Variants in NTM observed in about 807,000 individuals in gnomAD.
NTM encodes the protein neurotrimin, also known as IgLON family member 2.
In NTM, 13 loss-of-function variants were observed where a neutral mutation model predicts 42.1. That is an observed-to-expected ratio of 0.31 (90% CI 0.20 to 0.49). NTM has a LOEUF of 0.49. NTM is among the 20% of genes least tolerant of loss of function. NTM has a pLI of 0.99. For synonymous variants in NTM, 187 were observed against 179.2 expected (o/e 1.04, Z -0.35); for missense variants, 373 against 452.8 (o/e 0.82, Z 1.60).
intron 2 of NTM, among the ~76,000 whole-genome samples, chr11:132,037,086 G>GTTTGA (rs1438704964): frequency 2.0e-5 from 3 of 152,158 alleles, no homozygotes; most frequent in Non-Finnish European, 4.4e-5. Flanking sequence ...CTCTGCTGAA[G>GTTTGA]TTTGATCCCT....
chr11:131,588,466 T>C (rs996525507), intron 1 of NTM, among the ~76,000 whole-genome samples: 2 of 152,250 alleles, frequency 1.3e-5, no homozygotes, highest in East Asian at 3.8e-4. Flanking sequence ...TAGTGTGCCA[T>C]GGTTATGAAG....
intron 1 of NTM, among the ~76,000 whole-genome samples, chr11:131,468,317 CT>C (rs1160596931): frequency 6.6e-6 from 1 of 152,248 alleles, no homozygotes; most frequent in African/African-American, 2.4e-5. Flanking sequence ...TGCAGCCTCA[CT>C]TGCAGATAAT....
chr11:131,439,547 T>C (rs1949434295), intron 1 of NTM, among the ~76,000 whole-genome samples: 1 of 152,222 alleles, frequency 6.6e-6, no homozygotes, highest in South Asian at 2.1e-4. Flanking sequence ...GGCTGCTGCC[T>C]TGCAGGTTGA....
chr11:131,930,784 G>A (rs1400420881), intron 2 of NTM, among the ~76,000 whole-genome samples: 10 of 152,126 alleles, frequency 6.6e-5, no homozygotes, highest in Non-Finnish European at 1.5e-4. Flanking sequence ...CAAATAGAAA[G>A]AAATTTTATG....
chr11:132,151,734 G>A (rs2071950732), intron 3 of NTM, among the ~76,000 whole-genome samples: 2 of 152,112 alleles, frequency 1.3e-5, no homozygotes. Context: ...AAACAGCTCC[G>A]AAGCTCAGGT....
At chr11:132,154,306 C>G (rs1231828971) in intron 3 of NTM, among the ~76,000 whole-genome samples, 1 of 152,128 alleles carries the variant, frequency 6.6e-6, no homozygotes, top group Non-Finnish European at 1.5e-5. Flanking sequence ...AAGAACATGA[C>G]AAACACCTAA....
chr11:131,806,923 G>A (rs1311259952), intron 1 of NTM, among the ~76,000 whole-genome samples: 2 of 152,160 alleles, frequency 1.3e-5, no homozygotes, highest in Non-Finnish European at 2.9e-5. Flanking sequence ...ATAGTTATTA[G>A]GGTATAAATA....
chr11:131,899,550 T>C (rs1433469574), intron 1 of NTM, among the ~76,000 whole-genome samples: 1 of 152,146 alleles, frequency 6.6e-6, no homozygotes, highest in Non-Finnish European at 1.5e-5. Flanking sequence ...TCACATAAAT[T>C]CAGATGTCCG....
At chr11:132,050,449 C>A (rs960749859) in intron 2 of NTM, among the ~76,000 whole-genome samples, 2 of 152,244 alleles carry the variant, frequency 1.3e-5, no homozygotes, top group South Asian at 2.1e-4. Flanking sequence ...AGGGGCTGGG[C>A]AAATGATTTT....
intron 1 of NTM, among the ~76,000 whole-genome samples, chr11:131,529,299 G>T (rs1358288899): frequency 6.6e-6 from 1 of 152,212 alleles, no homozygotes; most frequent in South Asian, 2.1e-4. Context: ...GTAAAAGATA[G>T]ACTCTTAGAT....
intron 2 of NTM, among the ~76,000 whole-genome samples, chr11:132,076,864 G>C (rs533875601): frequency 2.0e-5 from 3 of 151,824 alleles, no homozygotes; most frequent in Non-Finnish European, 4.4e-5. Context: ...ATCAATATTG[G>C]TCTTGTCATC....
chr11:131,440,816 T>TA lies in NTM; in HGVS notation c.82+69976dup, dbSNP rs55915027. Among the ~76,000 whole-genome samples the TA allele has an allele frequency of 3.3e-4, 14 of 42,922 alleles. 1 individual carries two copies. The highest frequency in any genetic ancestry group is 4.2e-4 in the Non-Finnish European group (11 of 26,372). The allele number at this position is 42,922 out of a possible 152,430, so 28.2% of individuals were successfully genotyped here. On this transcript the variant is annotated intron_variant, in intron 1 of 8. Coordinates refer to ENST00000683400, the MANE Select transcript of NTM (RefSeq NM_001352005.2). Reference sequence around the variant, plus strand: ...GTGCCACCCCTCACCACAGCCTCCATAAAAAAAAAAAAAAAAAAAAAAAAA... The same window carrying TA: ...GTGCCACCCCTCACCACAGCCTCCATAAAAAAAAAAAAAAAAAAAAAAAAAA...
chr11:131,674,732 CT>C lies in NTM; in HGVS notation c.83-236831del, dbSNP rs1182459875. ...TTATTTGCAAGCCTGATTTCCCTGT[CT>C]GGTTACCTGTAATGCTGCTTCTCTG... On this transcript the variant is annotated intron_variant, in intron 1 of 8. Transcript: ENST00000683400. 1.4e-4 allele frequency among the ~76,000 whole-genome samples: 22 copies of C among 152,310 alleles called. 1 individual carries two copies. Among genetic ancestry groups the C allele is most frequent in the Admixed American group, 1.2e-3 (18 of 15,300 alleles).
intron 1 of NTM, among the ~76,000 whole-genome samples, chr11:131,864,315 T>C (rs1370488418): frequency 6.6e-6 from 1 of 151,646 alleles, no homozygotes; most frequent in Non-Finnish European, 1.5e-5. Context: ...GGGCTTCTGG[T>C]CAGTCCCTGG....
intron 4 of NTM, among the ~76,000 whole-genome samples, chr11:132,251,507 C>T (rs1007437492): frequency 3.9e-5 from 6 of 152,200 alleles, no homozygotes. Flanking sequence ...CACATCTGCT[C>T]TCCATCCACA....
At chr11:132,192,082 A>G (rs1166727559) in intron 3 of NTM, among the ~76,000 whole-genome samples, 1 of 152,186 alleles carries the variant, frequency 6.6e-6, no homozygotes, top group Non-Finnish European at 1.5e-5. Context: ...AGCAACTTGG[A>G]AAACGTATTT....
At chr11:131,561,409 A>G (rs919200627) in intron 1 of NTM, among the ~76,000 whole-genome samples, 25 of 152,234 alleles carry the variant, frequency 1.6e-4, no homozygotes, top group East Asian at 1.9e-4. Context: ...AAAATTTCCA[A>G]TGGTGCTTAA....
At chr11:132,285,820 T>C (rs2094208511) in intron 4 of NTM, among the ~76,000 whole-genome samples, 1 of 152,184 alleles carries the variant, frequency 6.6e-6, no homozygotes, top group South Asian at 2.1e-4. Flanking sequence ...CTCCTAGCCT[T>C]GACAGATGAG....
chr11:131,473,691 T>C (rs1002825654), intron 1 of NTM, among the ~76,000 whole-genome samples: 1 of 152,110 alleles, frequency 6.6e-6, no homozygotes, highest in Admixed American at 6.5e-5. Context: ...AACAGCTCCA[T>C]GGTGGAGAGG....
Sources: allele counts gnomAD v4.1 joint callset (sites outside exome capture counted in the v4.1 genomes callset), GRCh38; gene constraint gnomAD v4.1.1; transcripts MANE v1.5; gene names NCBI Gene and HGNC (gene_info 2026-07-23, HGNC 2026-07-21).